The following PPP6R3 variants were observed in gnomAD, a reference collection of about 807,000 sequenced individuals.
The protein encoded by PPP6R3 is protein phosphatase 6 regulatory subunit 3.
PPP6R3 carries 38 observed loss-of-function variants against 110.7 expected under a neutral mutation model. That is an observed-to-expected ratio of 0.34 (90% CI 0.26 to 0.45). PPP6R3 has a LOEUF of 0.45. Ranked by LOEUF, PPP6R3 falls within the 20% of genes least tolerant of loss-of-function variation. The pLI, the probability that PPP6R3 is intolerant of heterozygous loss-of-function variation, is 1.00. For synonymous variants in PPP6R3, 369 were observed against 373.5 expected, an observed-to-expected ratio of 0.99 and a Z score of 0.14; for missense variants, 870 against 1,062.4, an observed-to-expected ratio of 0.82 and a Z score of 2.52.
At position 68,564,444 on chromosome 11, in the gene PPP6R3, A is replaced by G. The variant is rs748920401; in HGVS notation, c.975+12A>G. The G allele has an allele frequency of 3.7e-6, 6 of 1,613,406 alleles. No individual in the cohort carries two copies. In the African/African-American group the frequency reaches 4.0e-5, roughly 11 times the overall value. On this transcript the variant is annotated intron_variant, in intron 9 of 23. Coordinates refer to ENST00000393800, the MANE Select transcript of PPP6R3 (RefSeq NM_001164161.2). ...TGGAGCCACCCAAGGTAGGGGAGCTATGTTAAGCATGGCTGCCCAGCGAGT... is the reference window on the plus strand; with the variant it reads ...TGGAGCCACCCAAGGTAGGGGAGCTGTGTTAAGCATGGCTGCCCAGCGAGT...
intron 1 of PPP6R3, among the ~76,000 whole-genome samples, chr11:68,510,359 A>G (rs963224107): frequency 2.1e-4 from 32 of 151,912 alleles, no homozygotes; most frequent in Admixed American, 1.4e-3. Flanking sequence ...TTTTTTTGAA[A>G]CAGGGTTTTG....
chr11:68,609,351 C>G, intron 22 of PPP6R3: 1 of 652,442 alleles, frequency 1.5e-6, no homozygotes, highest in Non-Finnish European at 2.8e-6. Context: ...GCAGTCAACA[C>G]GGTGACCTCA....
At chr11:68,612,254 G>A (rs1943876449) in intron 23 of PPP6R3, among the ~76,000 whole-genome samples, 1 of 152,216 alleles carries the variant, frequency 6.6e-6, no homozygotes, top group Admixed American at 6.5e-5. Context: ...AGTGAGCAGA[G>A]TGGATTGTGT....
intron 1 of PPP6R3, among the ~76,000 whole-genome samples, chr11:68,485,197 T>C (rs1030567256): frequency 6.6e-6 from 1 of 151,920 alleles, no homozygotes; most frequent in Non-Finnish European, 1.5e-5. Context: ...CTTGCAGGTA[T>C]ATAGGAAAGC....
chr11:68,577,953 G>A (rs2099538422), intron 14 of PPP6R3, among the ~76,000 whole-genome samples: 1 of 152,172 alleles, frequency 6.6e-6, no homozygotes, highest in African/African-American at 2.4e-5. Context: ...CCCCTGTTGA[G>A]TTAGCCCCAC....
rs557818559 is a variant in PPP6R3, at chr11:68,526,266, T to G, written c.-7+6615T>G. Among the ~76,000 whole-genome samples the G allele has an allele frequency of 5.0e-3, 759 of 152,074 alleles. 6 individuals carry two copies. Among genetic ancestry groups the G allele is most frequent in the South Asian group, 0.019 (91 of 4,818 alleles). On this transcript the variant is annotated intron_variant, in intron 2 of 23. Transcript: ENST00000393800. Reference sequence around the variant, plus strand: ...ACTTTGACTTACATTTTTTTTTTTTTAAATTTTGAGACAGGGTCTTACTCT... The same window carrying G: ...ACTTTGACTTACATTTTTTTTTTTTGAAATTTTGAGACAGGGTCTTACTCT...
At chr11:68,539,971 C>T (rs2099302716) in intron 3 of PPP6R3, among the ~76,000 whole-genome samples, 1 of 152,192 alleles carries the variant, frequency 6.6e-6, no homozygotes, top group South Asian at 2.1e-4. Context: ...TGTGGAAGCA[C>T]TAATGTGCTC....
intron 18 of PPP6R3, among the ~76,000 whole-genome samples, chr11:68,592,005 T>A (rs1240913280): frequency 6.6e-6 from 1 of 152,240 alleles, no homozygotes; most frequent in Non-Finnish European, 1.5e-5. Context: ...AAATAAATGT[T>A]CCGTCATCAG....
chr11:68,563,104 GA>G (rs58840169), intron 8 of PPP6R3, among the ~76,000 whole-genome samples: 34,302 of 124,064 alleles, frequency 0.28, 4,097 homozygotes, highest in Middle Eastern at 0.36. Context: ...CATCTCTACC[GA>G]AAAAAAAAAA....
At chr11:68,612,948 C>CTAAG (rs1944316256) in intron 23 of PPP6R3, 118 bp from the exon 24 acceptor site, 21 of 1,519,438 alleles carry the variant, frequency 1.4e-5, no homozygotes, top group Middle Eastern at 1.7e-4. Flanking sequence ...TAAAAACTTA[C>CTAAG]TAAGTTCAAA....
intron 18 of PPP6R3, among the ~76,000 whole-genome samples, chr11:68,594,523 G>A (rs149940198): frequency 2.1e-3 from 315 of 152,222 alleles, no homozygotes; most frequent in African/African-American, 7.3e-3. Flanking sequence ...ATTTAAATAT[G>A]TAGGGACAAA....
chr11:68,547,261 C>T (rs1258070838), intron 4 of PPP6R3, among the ~76,000 whole-genome samples: 3 of 152,058 alleles, frequency 2.0e-5, no homozygotes, highest in Admixed American at 6.5e-5. Context: ...CCCCACGCCC[C>T]AGAGCTTTTG....
chr11:68,608,814 AT>A (rs1941811865), intron 22 of PPP6R3, among the ~76,000 whole-genome samples: 1 of 152,196 alleles, frequency 6.6e-6, no homozygotes, highest in South Asian at 2.1e-4. Flanking sequence ...TGTTATGACT[AT>A]TTTTTAAAGA....
intron 1 of PPP6R3, among the ~76,000 whole-genome samples, chr11:68,498,610 A>T (rs890489251): frequency 6.6e-6 from 1 of 152,030 alleles, no homozygotes; most frequent in African/African-American, 2.4e-5. Context: ...TACAGTAGGT[A>T]CTCTTGTGTC....
intron 1 of PPP6R3, among the ~76,000 whole-genome samples, chr11:68,503,747 A>C (rs2099060561): frequency 7.2e-6 from 1 of 139,412 alleles, no homozygotes; most frequent in South Asian, 2.1e-4. Context: ...GAATGCTATC[A>C]GACAAATAAC....
intron 4 of PPP6R3, 117 bp downstream of exon 4, chr11:68,545,141 A>C: frequency 2.9e-6 from 2 of 688,390 alleles, no homozygotes; most frequent in Non-Finnish European, 4.6e-6. Context: ...TGTATAAGAG[A>C]ATGTATTTTA....
At chr11:68,569,932 C>T (rs751454421) in intron 11 of PPP6R3, 35 bp downstream of exon 11, 27 of 1,572,500 alleles carry the variant, frequency 1.7e-5, no homozygotes, top group South Asian at 2.3e-5. Context: ...CTCCCACTCT[C>T]TCCTGGTTAT....
chr11:68,479,783 G>A (rs184384006), intron 1 of PPP6R3, among the ~76,000 whole-genome samples: 1 of 152,000 alleles, frequency 6.6e-6, no homozygotes, highest in East Asian at 1.9e-4. Flanking sequence ...CTGTCACCCA[G>A]GCTGGAGTGC....
chr11:68,609,493 AGT>A, intron 22 of PPP6R3: 4 of 1,147,312 alleles, frequency 3.5e-6, no homozygotes, highest in Non-Finnish European at 5.1e-6. Context: ...ACCTTCACCG[AGT>A]CTGCAGTTTT....
Sources: allele counts gnomAD v4.1 joint callset (sites outside exome capture counted in the v4.1 genomes callset), GRCh38; gene constraint gnomAD v4.1.1; transcripts MANE v1.5; gene names NCBI Gene and HGNC (gene_info 2026-07-23, HGNC 2026-07-21).